Variants in AXL observed in about 807,000 individuals in gnomAD.
AXL encodes the protein AXL receptor tyrosine kinase.
A neutral mutation model predicts 104.5 loss-of-function variants in AXL; 52 were observed. The ratio of observed to expected loss-of-function variants is 0.50; its 90% CI spans 0.40 to 0.63. The LOEUF is 0.63. Among genes scored for constraint, AXL ranks in the 20% least tolerant of loss-of-function variants. The pLI is 0.00. For synonymous variants in AXL, 455 were observed against 473.7 expected, an observed-to-expected ratio of 0.96 and a Z score of 0.51; for missense variants, 1,024 against 1,188.5, an observed-to-expected ratio of 0.86 and a Z score of 2.04.
chr19:41,236,648 G>A (rs866359146), intron 6 of AXL, among the ~76,000 whole-genome samples: 20 of 150,708 alleles, frequency 1.3e-4, no homozygotes, highest in South Asian at 6.3e-4. Context: ...GGGCGTGGTG[G>A]TACGCGTAGT....
chr19:41,250,592 G>A (rs769815785), intron 14 of AXL, among the ~76,000 whole-genome samples: 3 of 152,176 alleles, frequency 2.0e-5, no homozygotes, highest in Non-Finnish European at 2.9e-5. Flanking sequence ...ACAGGTGTGC[G>A]CCACCACGCC....
At chr19:41,243,769 T>G in intron 12 of AXL, 62 bp downstream of exon 12, 2 of 1,472,128 alleles carry the variant, frequency 1.4e-6, no homozygotes, top group Non-Finnish European at 1.9e-6. Context: ...GAATCTGGCC[T>G]GCTGGGCTTC....
intron 12 of AXL, among the ~76,000 whole-genome samples, chr19:41,244,221 TAAAAGAAAG>T (rs1164658918): frequency 6.7e-6 from 1 of 150,066 alleles, no homozygotes; most frequent in African/African-American, 2.5e-5. Flanking sequence ...GAAAAAAAAA[TAAAAGAAAG>T]AAAAGAAACA....
chr19:41,223,808 G>T (rs34326763), intron 4 of AXL, among the ~76,000 whole-genome samples: 2 of 151,964 alleles, frequency 1.3e-5, no homozygotes, highest in Admixed American at 6.6e-5. Flanking sequence ...GAGAGAAATG[G>T]GGGCTGCACA....
intron 4 of AXL, among the ~76,000 whole-genome samples, chr19:41,226,517 C>A (rs370141797): frequency 5.3e-5 from 8 of 152,330 alleles, no homozygotes; most frequent in East Asian, 1.9e-4. Context: ...CTACCCTCCC[C>A]TTTCCGGCCT....
chr19:41,244,843 G>C (rs2034244464), intron 12 of AXL, among the ~76,000 whole-genome samples: 1 of 151,980 alleles, frequency 6.6e-6, no homozygotes, highest in African/African-American at 2.4e-5. Flanking sequence ...CTGTGGCATA[G>C]AGTGGTTAAG....
intron 12 of AXL, among the ~76,000 whole-genome samples, chr19:41,247,154 G>A (rs2034285001): frequency 6.6e-6 from 1 of 152,228 alleles, no homozygotes; most frequent in Non-Finnish European, 1.5e-5. Context: ...GGCTACCCCA[G>A]GAGGGCAGGT....
At chr19:41,245,713 C>CAAA (rs371879527) in intron 12 of AXL, among the ~76,000 whole-genome samples, 1 of 62,914 alleles carries the variant, frequency 1.6e-5, no homozygotes, top group Non-Finnish European at 3.3e-5. Context: ...GACACCGTCT[C>CAAA]AAAAAAAAAA....
chr19:41,245,474 A>T (rs1380811371), intron 12 of AXL, among the ~76,000 whole-genome samples: 2 of 152,138 alleles, frequency 1.3e-5, no homozygotes, highest in East Asian at 3.9e-4. Flanking sequence ...CTGTAATCTC[A>T]ACACTTTGGG....
At position 41,253,703 on chromosome 19, in the gene AXL, C is replaced by A; in HGVS notation, c.2031C>A (p.Asn677Lys). ...TACACCGGGACCTGGCGGCCAGGAA[C>A]TGCATGTGAGTGCCTTTCAGGGACC... Reference protein sequence around the residue: ...RFIHRDLAARNCMLNENMSVC... With the variant: ...RFIHRDLAARKCMLNENMSVC... Residue 677 changes from asparagine (N) to lysine (K), a missense_variant, in exon 17 of 20, where the codon AAC becomes AAA. Around this residue, in one of 5 missense-constraint regions of AXL, gnomAD observed 523 missense variants for 636.0 expected, o/e 0.82. Coordinates refer to ENST00000301178, the MANE Select transcript of AXL (RefSeq NM_021913.5). 6.2e-7 allele frequency: 1 copy of A among 1,606,272 alleles called. No individual in the cohort carries two copies. The highest frequency in any genetic ancestry group is 8.5e-7 in the Non-Finnish European group (1 of 1,175,772).
At position 41,252,522 on chromosome 19, in the gene AXL, G is replaced by T. The variant is rs2034382856; in HGVS notation, c.1804+79G>T. On this transcript the variant is annotated intron_variant, in intron 15 of 19. Transcript: ENST00000301178. ...AGGGAAGAGCCCTGCTTCTGGCCCTGGGAAGATCAAACTTCCAGGCTTCCT... is the reference window on the plus strand; with the variant it reads ...AGGGAAGAGCCCTGCTTCTGGCCCTTGGAAGATCAAACTTCCAGGCTTCCT... The T allele has an allele frequency of 3.3e-6, 5 of 1,512,350 alleles. No homozygotes were observed. The South Asian group carries it at 5.7e-5, about 17-fold the overall frequency. 93.7% of individuals were successfully genotyped at this position (1,512,350 alleles called of 1,614,324 possible).
intron 12 of AXL, 150 bp from the exon 13 acceptor site, chr19:41,248,364 A>C (rs2034304675): frequency 1.3e-6 from 1 of 744,838 alleles, no homozygotes; most frequent in South Asian, 1.7e-5. Context: ...CTGGGGTGGA[A>C]GTAGAGGGGT....
chr19:41,255,121 C>T (rs1200133454), intron 17 of AXL, among the ~76,000 whole-genome samples: 1 of 152,140 alleles, frequency 6.6e-6, no homozygotes, highest in Non-Finnish European at 1.5e-5. Context: ...CTAGTTTAGC[C>T]TGTTCTGAAA....
intron 9 of AXL, 98 bp downstream of exon 9, chr19:41,239,412 C>T: frequency 6.7e-7 from 1 of 1,486,000 alleles, no homozygotes; most frequent in Non-Finnish European, 9.0e-7. Context: ...AACTTAGGCC[C>T]TGTTCCTACC....
chr19:41,257,658 A>C (rs1182817555), intron 19 of AXL, 29 bp downstream of exon 19: 1 of 1,613,340 alleles, frequency 6.2e-7, no homozygotes, highest in Non-Finnish European at 8.5e-7. Context: ...CCCCCAACCC[A>C]GAATTCATTC....
intron 4 of AXL, among the ~76,000 whole-genome samples, chr19:41,227,896 C>T (rs1455421760): frequency 1.3e-5 from 2 of 152,120 alleles, no homozygotes; most frequent in African/African-American, 4.8e-5. Context: ...GTATCAGATA[C>T]AGCACTGAGA....
At chr19:41,233,717 G>A (rs1324834193) in intron 6 of AXL, among the ~76,000 whole-genome samples, 1 of 148,048 alleles carries the variant, frequency 6.8e-6, no homozygotes, top group Admixed American at 6.7e-5. Context: ...CCCTCTCTGG[G>A]CCTCAGTTCC....
At chr19:41,242,571 C>T (rs1268509384) in intron 10 of AXL, among the ~76,000 whole-genome samples, 1 of 152,042 alleles carries the variant, frequency 6.6e-6, no homozygotes, top group African/African-American at 2.4e-5. Flanking sequence ...CTCAAGTAAC[C>T]CACCCGCCTT....
rs770065579 is a variant in AXL, at chr19:41,242,891, C to A, written c.1321C>A (p.Pro441Thr). 5.6e-6 allele frequency: 9 copies of A among 1,614,100 alleles called. No individual in the cohort carries two copies. Among genetic ancestry groups the A allele is most frequent in the African/African-American group, 5.3e-5 (4 of 74,948 alleles). ...CTCATACCCCCTGATAGTGAAGGAACCTTCAACTCCTGCCTTCTCGTGGCC... is the reference window on the plus strand; with the variant it reads ...CTCATACCCCCTGATAGTGAAGGAAACTTCAACTCCTGCCTTCTCGTGGCC... ...AQPVHQLVKEPSTPAFSWPWW... is the reference protein window; with the variant it reads ...AQPVHQLVKETSTPAFSWPWW... The change falls in exon 11 of 20, where the codon CCT becomes ACT. Residue 441 changes from proline to threonine, a missense_variant. By Grantham distance (38) the Pro-to-Thr change is conservative (BLOSUM62 -1). This residue lies in a region of AXL where 523 missense variants were observed against 636.0 expected (regional missense o/e 0.82). Transcript: ENST00000301178.
Sources: allele counts gnomAD v4.1 joint callset (sites outside exome capture counted in the v4.1 genomes callset), GRCh38; gene constraint gnomAD v4.1.1; regional missense constraint gnomAD v4.1.1; transcripts MANE v1.5; gene names NCBI Gene and HGNC (gene_info 2026-07-23, HGNC 2026-07-21).